Variants in LINGO1 observed in about 807,000 individuals in gnomAD.
The protein encoded by LINGO1 is leucine rich repeat and Ig domain containing 1.
In LINGO1, 11 loss-of-function variants were observed where a neutral mutation model predicts 37.3. The observed-to-expected ratio is 0.29, with a 90% CI of 0.19 to 0.49. The LOEUF (loss-of-function observed/expected upper bound fraction) is 0.49. Among genes scored for constraint, LINGO1 ranks in the 20% least tolerant of loss-of-function variants. The pLI, the probability that LINGO1 is intolerant of heterozygous loss-of-function variation, is 0.99. For synonymous variants in LINGO1, 387 were observed against 403.0 expected, an observed-to-expected ratio of 0.96 and a Z score of 0.48; for missense variants, 585 against 878.2, an observed-to-expected ratio of 0.67 and a Z score of 4.22.
intron 1 of LINGO1, among the ~76,000 whole-genome samples, chr15:77,760,279 G>A (rs2076462070): frequency 6.6e-6 from 1 of 152,166 alleles, no homozygotes. Context: ...AGACCAGGGG[G>A]CCTCTGGAGT....
intron 3 of LINGO1, among the ~76,000 whole-genome samples, chr15:77,639,973 C>G (rs2074468862): frequency 6.6e-6 from 1 of 152,302 alleles, no homozygotes; most frequent in East Asian, 1.9e-4. Flanking sequence ...GCAACCCGCT[C>G]AATCCTCTCA....
intron 1 of LINGO1, among the ~76,000 whole-genome samples, chr15:77,626,657 G>A (rs1475300751): frequency 3.3e-5 from 5 of 152,220 alleles, no homozygotes; most frequent in Non-Finnish European, 7.3e-5. Context: ...TCAAGGCAGA[G>A]GCTGCAAAGG....
chr15:77,750,792 T>G (rs1460032860), intron 1 of LINGO1, among the ~76,000 whole-genome samples: 2 of 152,188 alleles, frequency 1.3e-5, no homozygotes, highest in Non-Finnish European at 1.5e-5. Context: ...ATCCACACAA[T>G]GACATTTATC....
At position 77,632,896 on chromosome 15, in the gene LINGO1, C is replaced by T. The variant is rs1297509881; in HGVS notation, c.-581G>A. Among the ~76,000 whole-genome samples the T allele has an allele frequency of 6.6e-6, 1 of 150,528 alleles. No individual in the cohort carries two copies. The highest frequency in any genetic ancestry group is 1.5e-5 in the Non-Finnish European group (1 of 67,412). On this transcript the variant is annotated 5_prime_UTR_variant, in exon 1 of 2. Coordinates refer to ENST00000355300, the MANE Select transcript of LINGO1 (RefSeq NM_032808.7). This position sits in a 1 kb window ranked among gnomAD's most constrained non-coding sequence, Gnocchi z 6.0. ...GCTCGGGCTCCGCGCTCTGCAGCGG[C>T]GCGGGGAGGGAGCACTAGGAGCGAG...
chr15:77,801,714 C>T (rs537819541), intron 1 of LINGO1, among the ~76,000 whole-genome samples: 12 of 152,134 alleles, frequency 7.9e-5, no homozygotes, highest in Admixed American at 1.3e-4. Context: ...CCCAGCCCCA[C>T]CCTCGTATCC....
upstream of LINGO1, among the ~76,000 whole-genome samples, chr15:77,790,920 C>T (rs971116872): frequency 6.6e-6 from 1 of 152,210 alleles, no homozygotes; most frequent in Non-Finnish European, 1.5e-5. Context: ...ACCACGATCT[C>T]AGGGATACCT....
chr15:77,689,601 G>C (rs546305500), intron 2 of LINGO1, among the ~76,000 whole-genome samples: 1 of 152,156 alleles, frequency 6.6e-6, no homozygotes, highest in Non-Finnish European at 1.5e-5. Context: ...ACCTCCATGT[G>C]GGGGGTGGGA....
chr15:77,762,044 G>A (rs561867292), intron 1 of LINGO1, among the ~76,000 whole-genome samples: 1 of 152,352 alleles, frequency 6.6e-6, no homozygotes, highest in African/African-American at 2.4e-5. Context: ...TTGAGGCCTA[G>A]AGTTTGATGA....
In LINGO1 at chr15:77,738,747, T is replaced by TGAAGGAAGGAGGGAAGGAAGGAAG. The variant is rs1306984833; in HGVS notation, c.-256-3695_-256-3694insCTTCCTTCCTTCCCTCCTTCCTTC. On this transcript the variant is annotated intron_variant, in intron 1 of 3. Transcript: ENST00000561686. ...CAGGAGACAGTCAATACATATTTGC[T>TGAAGGAAGGAGGGAAGGAAGGAAG]GAAGGAAGGAAGGAAGGAAGGAAGG... Among the ~76,000 whole-genome samples, 242 of 110,892 alleles carry TGAAGGAAGGAGGGAAGGAAGGAAG rather than the reference T, an allele frequency of 2.2e-3. 6 individuals are homozygous for TGAAGGAAGGAGGGAAGGAAGGAAG. The highest frequency in any genetic ancestry group is 4.2e-3 in the Middle Eastern group (1 of 238). The allele number at this position is 110,892 out of a possible 152,430, so 72.7% of individuals were successfully genotyped here. A position where few individuals can be genotyped will look rare whatever the true frequency, so the allele number is the denominator to read the frequency against.
upstream of LINGO1, among the ~76,000 whole-genome samples, chr15:77,635,958 A>G (rs1246954733): frequency 2.0e-5 from 3 of 152,266 alleles, no homozygotes; most frequent in African/African-American, 7.2e-5. Context: ...TTGCCCGGGA[A>G]CACAGGAGGA....
intron 1 of LINGO1, among the ~76,000 whole-genome samples, chr15:77,798,497 G>C (rs12441624): frequency 0.19 from 29,660 of 152,232 alleles, 3,068 homozygotes; most frequent in African/African-American, 0.26. Flanking sequence ...ACCTTCCAAA[G>C]CTTCCTAAAG....
chr15:77,671,904 T>C (rs1367082901), intron 3 of LINGO1, among the ~76,000 whole-genome samples: 1 of 152,146 alleles, frequency 6.6e-6, no homozygotes, highest in Non-Finnish European at 1.5e-5. Context: ...CAGAGACAGG[T>C]CCTGGCTCTG....
chr15:77,776,726 C>A (rs1321471160), intron 1 of LINGO1, among the ~76,000 whole-genome samples: 1 of 152,214 alleles, frequency 6.6e-6, no homozygotes, highest in African/African-American at 2.4e-5. Flanking sequence ...GGATTTGAAA[C>A]CAGATCTTTG....
chr15:77,739,318 C>T (rs1452338536), intron 1 of LINGO1, among the ~76,000 whole-genome samples: 5 of 152,276 alleles, frequency 3.3e-5, no homozygotes, highest in African/African-American at 9.6e-5. Context: ...TTGCCTGAAA[C>T]GGAGGAGATA....
upstream of LINGO1, chr15:77,634,455 G>T (rs2074354353): frequency 1.0e-5 from 4 of 392,170 alleles, no homozygotes; most frequent in Non-Finnish European, 2.1e-5. Flanking sequence ...TGAACTGTAC[G>T]TTCACCCTCC....
chr15:77,754,740 C>T (rs1432656018), intron 1 of LINGO1, among the ~76,000 whole-genome samples: 4 of 152,234 alleles, frequency 2.6e-5, no homozygotes, highest in Non-Finnish European at 5.9e-5. Flanking sequence ...GTCAGGGCTG[C>T]CCTTTGTGCC....
At position 77,615,019 on chromosome 15, in the gene LINGO1, G is replaced by A. The variant is rs1380105333; in HGVS notation, c.888C>T (p.Tyr296=). ...AGCCCTCAATGGTGCTGATGGGGTT[G>A]TAGGAGAGGTTGAGGAAGCGGAGAT... ...LVYLRFLNLS[Y]NPISTIEGSM... The change falls in exon 2 of 2, where the codon TAC becomes TAT. Residue 296 remains tyrosine (Y), a synonymous_variant. Coordinates refer to ENST00000355300, the MANE Select transcript of LINGO1 (RefSeq NM_032808.7). 1 of 1,614,044 alleles carries A rather than the reference G, an allele frequency of 6.2e-7. No individual in the cohort carries two copies. Among genetic ancestry groups the A allele is most frequent in the Non-Finnish European group, 8.5e-7 (1 of 1,179,896 alleles).
upstream of LINGO1, among the ~76,000 whole-genome samples, chr15:77,636,610 A>G (rs1364525974): frequency 6.6e-6 from 1 of 152,080 alleles, no homozygotes; most frequent in Non-Finnish European, 1.5e-5. Context: ...TTAACTTGTT[A>G]ACTTGCTGTG....
intron 1 of LINGO1, among the ~76,000 whole-genome samples, chr15:77,624,161 CTCTGTG>C (rs1484203774): frequency 2.2e-5 from 1 of 44,732 alleles, no homozygotes; most frequent in East Asian, 6.8e-4. Context: ...TGTGAGTGGC[CTCTGTG>C]TGTGTGTGTG....
Sources: allele counts gnomAD v4.1 joint callset (sites outside exome capture counted in the v4.1 genomes callset), GRCh38; gene constraint gnomAD v4.1.1; non-coding constraint Gnocchi (gnomAD v3.1); transcripts MANE v1.5; gene names NCBI Gene and HGNC (gene_info 2026-07-23, HGNC 2026-07-21).